Variants in PCDHA3 observed in about 807,000 individuals in gnomAD.
The protein encoded by PCDHA3 is protocadherin alpha-3.
A neutral mutation model predicts 62.2 loss-of-function variants in PCDHA3; 41 were observed. The ratio of observed to expected loss-of-function variants is 0.66; its 90% CI spans 0.51 to 0.86. The LOEUF is 0.86. PCDHA3 is among the 40% of genes least tolerant of loss of function. The probability of loss-of-function intolerance (pLI) is 0.00; values close to 1 mark genes in which losing one functional copy is unlikely to be tolerated. For synonymous variants in PCDHA3, 640 were observed against 555.4 expected, an observed-to-expected ratio of 1.15 and a Z score of -2.14; for missense variants, 1,304 against 1,241.2, an observed-to-expected ratio of 1.05 and a Z score of -0.76.
In PCDHA3 at chr5:140,850,079, G is replaced by A. The variant is rs2150466050; in HGVS notation, c.2394+46488G>A. On this transcript the variant is annotated intron_variant, in intron 1 of 3. Coordinates refer to ENST00000522353, the MANE Select transcript of PCDHA3 (RefSeq NM_018906.3). ...TGCAGCCGTTGGACCACGAGGAGCTGGAGCTGCTACAGTTCCAGGTGAGCG... is the reference window on the plus strand; with the variant it reads ...TGCAGCCGTTGGACCACGAGGAGCTAGAGCTGCTACAGTTCCAGGTGAGCG... The A allele has an allele frequency of 1.6e-3, 2,619 of 1,596,602 alleles. 178 individuals are homozygous for A. In the African/African-American group the frequency reaches 0.028, roughly 17 times the overall value.
At position 140,871,521 on chromosome 5, in the gene PCDHA3, C is replaced by T. The variant is rs1554165698; in HGVS notation, c.2394+67930C>T. 3.2e-6 allele frequency: 5 copies of T among 1,553,236 alleles called. No individual in the cohort carries two copies. In the Admixed American group the frequency reaches 1.0e-4, roughly 31 times the overall value. On this transcript the variant is annotated intron_variant, in intron 1 of 3. Transcript: ENST00000522353. ...TGAGTTTTCTACAGATTCCACCTAT[C>T]AGGAAGTGTATGTGAAATTATTTAA...
At chr5:140,941,255 C>CTTTCTTTCTTTCTTTCTT (rs782490896) in intron 1 of PCDHA3, among the ~76,000 whole-genome samples, 39 of 44,506 alleles carry the variant, frequency 8.8e-4, no homozygotes, top group Middle Eastern at 0.012. Flanking sequence ...TTCTTTCTTT[C>CTTTCTTTCTTTCTTTCTT]TCTTTCTTTC....
At chr5:140,998,014 C>T (rs1554256135) in intron 3 of PCDHA3, among the ~76,000 whole-genome samples, 1 of 152,162 alleles carries the variant, frequency 6.6e-6, no homozygotes, top group Non-Finnish European at 1.5e-5. Context: ...TCCATCCCCA[C>T]CTCGAGCTAG....
Position 140,802,973 on chromosome 5 carries a change from G to T in PCDHA3, c.1776G>T (p.Ala592=). The T allele has an allele frequency of 6.2e-7, 1 of 1,614,016 alleles. No homozygotes were observed. Among genetic ancestry groups the T allele is most frequent in the Non-Finnish European group, 8.5e-7 (1 of 1,179,926 alleles). ...CAGTGGGTGCGGGCCACGTGGTAGCGAAGGTGCGCGCAGTGGATGCAGACT... is the reference window on the plus strand; with the variant it reads ...CAGTGGGTGCGGGCCACGTGGTAGCTAAGGTGCGCGCAGTGGATGCAGACT... ...PRSVGAGHVV[A]KVRAVDADSG... is the part of the protein sequence containing the mutation. Residue 592 remains alanine, a synonymous_variant, in exon 1 of 4, where the codon GCG becomes GCT. Coordinates refer to ENST00000522353, the MANE Select transcript of PCDHA3 (RefSeq NM_018906.3).
chr5:140,872,623 T>C (rs960064096), intron 1 of PCDHA3, among the ~76,000 whole-genome samples: 3 of 152,152 alleles, frequency 2.0e-5, no homozygotes, highest in African/African-American at 4.8e-5. Flanking sequence ...TTGCCTGTTC[T>C]TGATTTTGTT....
intron 1 of PCDHA3, chr5:140,855,829 C>A: frequency 1.8e-6 from 1 of 560,298 alleles, no homozygotes; most frequent in East Asian, 2.9e-5. Flanking sequence ...CTCATGGAAT[C>A]GTACTTACAC....
intron 1 of PCDHA3, chr5:140,871,260 G>A: frequency 1.9e-6 from 3 of 1,613,980 alleles, no homozygotes; most frequent in South Asian, 1.1e-5. Flanking sequence ...TGTATACGGC[G>A]CTGTGGTGGT....
At chr5:140,917,863 G>A (rs182359679) in intron 1 of PCDHA3, among the ~76,000 whole-genome samples, 1 of 151,750 alleles carries the variant, frequency 6.6e-6, no homozygotes, top group East Asian at 1.9e-4. Context: ...GGATTGCTTT[G>A]ACTATTTGGG....
At chr5:140,821,957 G>T (rs112376305) in intron 1 of PCDHA3, 3 of 1,614,186 alleles carry the variant, frequency 1.9e-6, no homozygotes, top group Non-Finnish European at 2.5e-6. Context: ...CTGGTGCCGC[G>T]CCTGTTCCGG....
chr5:140,983,146 G>T (rs894953025), intron 3 of PCDHA3, among the ~76,000 whole-genome samples: 3 of 152,140 alleles, frequency 2.0e-5, no homozygotes, highest in Non-Finnish European at 4.4e-5. Flanking sequence ...TAGTGCCTTG[G>T]CATGCATGTT....
At chr5:140,870,219 C>A (rs1188426625) in intron 1 of PCDHA3, 2 of 1,614,034 alleles carry the variant, frequency 1.2e-6, no homozygotes, top group Non-Finnish European at 1.7e-6. Flanking sequence ...CCCTGATCAG[C>A]GTGTCTGACC....
chr5:140,802,228 A>G lies in PCDHA3; in HGVS notation c.1031A>G (p.Asn344Ser). Residue 344 changes from asparagine to serine, a missense_variant, in exon 1 of 4, where the codon AAT becomes AGT. Asn to Ser is a conservative substitution (Grantham distance 46, BLOSUM62 1). Coordinates refer to ENST00000522353, the MANE Select transcript of PCDHA3 (RefSeq NM_018906.3). ...CTVLLEIVDI[N>S]DNVPELVIQS... Reference sequence around the variant, plus strand: ...GTTCTACTCGAAATTGTGGACATCAATGATAATGTACCTGAGTTAGTTATT... The same window carrying G: ...GTTCTACTCGAAATTGTGGACATCAGTGATAATGTACCTGAGTTAGTTATT... The G allele has an allele frequency of 6.2e-7, 1 of 1,614,240 alleles. No individual in the cohort carries two copies.
Position 140,803,080 on chromosome 5 carries a change from C to G in PCDHA3, c.1883C>G (p.Thr628Arg). 1 of 1,613,930 alleles carries G rather than the reference C, an allele frequency of 6.2e-7. No individual in the cohort carries two copies. Among genetic ancestry groups the G allele is most frequent in the Non-Finnish European group, 8.5e-7 (1 of 1,179,948 alleles). Residue 628 changes from threonine (T) to arginine (R), a missense_variant, in exon 1 of 4, where the codon ACG (threonine) becomes AGG (arginine). Thr to Arg is a moderately conservative substitution (Grantham distance 71). Transcript: ENST00000522353. Reference sequence around the variant, plus strand: ...ATCCCGTTTCGCGTGGGGCTGTACACGGGAGAGATCAGCACGACCCGTGCC... The same window carrying G: ...ATCCCGTTTCGCGTGGGGCTGTACAGGGGAGAGATCAGCACGACCCGTGCC... ...ARIPFRVGLY[T>R]GEISTTRALD...
intron 1 of PCDHA3, among the ~76,000 whole-genome samples, chr5:140,938,233 A>AC (rs1329361250): frequency 6.6e-6 from 1 of 152,210 alleles, no homozygotes; most frequent in African/African-American, 2.4e-5. Context: ...GGCATAGGCC[A>AC]CCATGCCTGG....
At chr5:140,814,608 T>C (rs1315779176) in intron 1 of PCDHA3, 1 of 152,216 alleles carries the variant, frequency 6.6e-6, no homozygotes, top group Non-Finnish European at 1.5e-5. Context: ...TGCTATCTTG[T>C]ACTTTTATAT....
intron 1 of PCDHA3, among the ~76,000 whole-genome samples, chr5:140,923,950 C>A (rs544576500): frequency 6.6e-6 from 1 of 152,148 alleles, no homozygotes; most frequent in Non-Finnish European, 1.5e-5. Context: ...TTTTTCCTCA[C>A]GCCCTAATCT....
rs545790169 is a variant in PCDHA3, at chr5:140,801,580, A to G, written c.383A>G (p.Asp128Gly). 2 of 1,614,234 alleles carry G rather than the reference A, an allele frequency of 1.2e-6. No individual in the cohort carries two copies. The highest frequency in any genetic ancestry group is 1.7e-6 in the Non-Finnish European group (2 of 1,180,036). Residue 128 changes from aspartate to glycine, a missense_variant, in exon 1 of 4, where the codon GAC becomes GGC. Transcript: ENST00000522353. Reference protein sequence around the residue: ...HVEVEVKDINDNAPVFPMAVK... With the variant: ...HVEVEVKDINGNAPVFPMAVK... ...GAGGTGGAAGTGAAGGACATTAATG[A>G]CAACGCGCCAGTTTTTCCAATGGCT...
At chr5:140,877,593 G>A in intron 1 of PCDHA3, 2 of 1,613,854 alleles carry the variant, frequency 1.2e-6, no homozygotes, top group Non-Finnish European at 1.7e-6. Context: ...TCTGTGCGGT[G>A]TCCAGCCTGC....
chr5:140,823,200 G>C, intron 1 of PCDHA3: 3 of 1,613,866 alleles, frequency 1.9e-6, no homozygotes, highest in Admixed American at 1.7e-5. Context: ...ACATCTTCAC[G>C]GTGTCTGCAC....
Sources: allele counts gnomAD v4.1 joint callset (sites outside exome capture counted in the v4.1 genomes callset), GRCh38; gene constraint gnomAD v4.1.1; transcripts MANE v1.5; gene names NCBI Gene and HGNC (gene_info 2026-07-23, HGNC 2026-07-21).